Variants in LPP observed in about 807,000 individuals in gnomAD.
The protein encoded by LPP is LIM domain containing preferred translocation partner in lipoma, also known as lipoma-preferred partner.
In LPP, 38 loss-of-function variants were observed where a neutral mutation model predicts 60.4. The observed-to-expected ratio is 0.63, with a 90% CI of 0.49 to 0.83. The LOEUF (loss-of-function observed/expected upper bound fraction) is 0.83. Ranked by LOEUF, LPP falls within the 40% of genes least tolerant of loss-of-function variation. LPP has a pLI of 0.00. For missense variants in LPP, 902 were observed against 783.6 expected (o/e 1.15, Z -1.80); for synonymous variants, 328 against 290.8 (o/e 1.13, Z -1.30).
At chr3:188,326,134 C>A (rs1560251773) in intron 2 of LPP, among the ~76,000 whole-genome samples, 1 of 152,168 alleles carries the variant, frequency 6.6e-6, no homozygotes, top group African/African-American at 2.4e-5. Flanking sequence ...TGAGGGGCAC[C>A]TTGATGATAA....
At chr3:188,746,664 A>G (rs573798616) in intron 8 of LPP, 4 of 407,556 alleles carry the variant, frequency 9.8e-6, no homozygotes, top group African/African-American at 2.1e-5. Flanking sequence ...GTGGACTTAC[A>G]TGGTTTCTGG....
intron 5 of LPP, among the ~76,000 whole-genome samples, chr3:188,513,443 A>G (rs115185542): frequency 0.011 from 1,686 of 152,238 alleles, 27 homozygotes; most frequent in African/African-American, 0.038. Flanking sequence ...TCATTTTACC[A>G]GGGGATCTGC....
intron 9 of LPP, among the ~76,000 whole-genome samples, chr3:188,773,908 C>A (rs1736885460): frequency 6.6e-6 from 1 of 152,166 alleles, no homozygotes; most frequent in African/African-American, 2.4e-5. Flanking sequence ...AGGAAGAGAC[C>A]TGTCCCAATG....
chr3:188,288,093 G>C (rs1744580467), intron 2 of LPP, among the ~76,000 whole-genome samples: 2 of 152,148 alleles, frequency 1.3e-5, no homozygotes, highest in Admixed American at 6.5e-5. Context: ...GCAAGTTAGG[G>C]TTATAATTTA....
intron 7 of LPP, among the ~76,000 whole-genome samples, chr3:188,675,314 A>G (rs1335178688): frequency 6.6e-6 from 1 of 152,190 alleles, no homozygotes; most frequent in Non-Finnish European, 1.5e-5. Flanking sequence ...AGGTATGGCA[A>G]AATCTGGACA....
chr3:188,260,719 A>G (rs1473537805), intron 2 of LPP, among the ~76,000 whole-genome samples: 1 of 152,098 alleles, frequency 6.6e-6, no homozygotes, highest in Non-Finnish European at 1.5e-5. Context: ...ATGAAATCAG[A>G]GGAACCGAAG....
At chr3:188,538,318 C>T (rs1027486099) in intron 6 of LPP, among the ~76,000 whole-genome samples, 2 of 152,128 alleles carry the variant, frequency 1.3e-5, no homozygotes, top group African/African-American at 4.8e-5. Flanking sequence ...GGGCTTATAT[C>T]TGGAATATAT....
intron 9 of LPP, among the ~76,000 whole-genome samples, chr3:188,854,104 A>G (rs1763272272): frequency 6.6e-6 from 1 of 152,200 alleles, no homozygotes; most frequent in African/African-American, 2.4e-5. Flanking sequence ...TTTGCATTCC[A>G]GAGACACTGA....
intron 1 of LPP, among the ~76,000 whole-genome samples, chr3:188,159,021 G>A (rs1490087665): frequency 6.6e-6 from 1 of 152,198 alleles, no homozygotes; most frequent in Non-Finnish European, 1.5e-5. Context: ...TAACTGGAAA[G>A]GACTAAGCCT....
At chr3:188,226,140 C>G (rs1021962920) in intron 2 of LPP, among the ~76,000 whole-genome samples, 1 of 152,148 alleles carries the variant, frequency 6.6e-6, no homozygotes, top group African/African-American at 2.4e-5. Context: ...TCCCGAGCAG[C>G]TGGGACTACA....
chr3:188,650,874 A>T (rs1851941668), intron 7 of LPP, among the ~76,000 whole-genome samples: 1 of 152,154 alleles, frequency 6.6e-6, no homozygotes, highest in Non-Finnish European at 1.5e-5. Context: ...TGTGTTGTCT[A>T]TGTCTGATTT....
rs1842132587 is a variant in LPP, at chr3:188,605,037, ATG to A, written c.430-4122_430-4121del. On this transcript the variant is annotated intron_variant, in intron 6 of 11. Transcript: ENST00000617246. ...GCACAATAGACATGAAAGAAGGTCA[ATG>A]TATCTCAAAGAGAGGTAGAAGAGGT... 7.9e-5 allele frequency among the ~76,000 whole-genome samples: 12 copies of A among 152,316 alleles called. 1 individual carries two copies. In the South Asian group the frequency reaches 2.5e-3, roughly 32 times the overall value.
intron 4 of LPP, among the ~76,000 whole-genome samples, chr3:188,463,361 A>T (rs1377701205): frequency 1.2e-4 from 1 of 8,122 alleles, no homozygotes; most frequent in Non-Finnish European, 2.5e-4. Context: ...GACTAATTTA[A>T]AAAAAAAAAA....
At chr3:188,640,424 CGA>C in intron 7 of LPP, among the ~76,000 whole-genome samples, 1 of 146,130 alleles carries the variant, frequency 6.8e-6, no homozygotes, top group Non-Finnish European at 1.5e-5. Context: ...TGCTAGATGA[CGA>C]GTTAGTGGGT....
intron 2 of LPP, among the ~76,000 whole-genome samples, chr3:188,270,193 C>T (rs992614585): frequency 2.0e-5 from 3 of 151,948 alleles, no homozygotes; most frequent in Non-Finnish European, 4.4e-5. Context: ...GATAGGAGCA[C>T]GGATTACTTA....
intron 7 of LPP, among the ~76,000 whole-genome samples, chr3:188,625,636 A>T (rs1384720574): frequency 6.6e-6 from 1 of 152,148 alleles, no homozygotes; most frequent in Non-Finnish European, 1.5e-5. Flanking sequence ...TGGAACTTGA[A>T]ATCATAGTTT....
intron 1 of LPP, chr3:188,179,221 A>G (rs750499196): frequency 2.2e-6 from 1 of 457,588 alleles, no homozygotes; most frequent in South Asian, 1.5e-5. Context: ...GCCACCGTGA[A>G]GAGCATGCAT....
chr3:188,849,262 T>C (rs1373803009), intron 9 of LPP, among the ~76,000 whole-genome samples: 1 of 152,172 alleles, frequency 6.6e-6, no homozygotes, highest in Non-Finnish European at 1.5e-5. Context: ...CAAAGTTGCA[T>C]AGCTGCAAGG....
chr3:188,843,164 G>A (rs982523241), intron 9 of LPP, among the ~76,000 whole-genome samples: 1 of 152,090 alleles, frequency 6.6e-6, no homozygotes, highest in Non-Finnish European at 1.5e-5. Context: ...TACATGAACT[G>A]TATCTTTGGC....
Sources: allele counts gnomAD v4.1 joint callset (sites outside exome capture counted in the v4.1 genomes callset), GRCh38; gene constraint gnomAD v4.1.1; transcripts MANE v1.5; gene names NCBI Gene and HGNC (gene_info 2026-07-23, HGNC 2026-07-21).